Variants in PPP1CB observed in about 807,000 individuals in gnomAD.
The protein encoded by PPP1CB is protein phosphatase 1 catalytic subunit beta.
In PPP1CB, 2 loss-of-function variants were observed where a neutral mutation model predicts 43.7. The observed-to-expected ratio is 0.05, with a 90% CI of 0.02 to 0.14. The LOEUF is 0.14. PPP1CB is among the 10% of genes least tolerant of loss of function. The pLI is 1.00. For missense variants in PPP1CB, 84 were observed against 398.0 expected (o/e 0.21, Z 6.71); for synonymous variants, 136 against 135.6 (o/e 1.00, Z -0.02).
chr2:28,774,342 T>C (rs1303503585), intron 1 of PPP1CB, among the ~76,000 whole-genome samples: 1 of 152,218 alleles, frequency 6.6e-6, no homozygotes, highest in African/African-American at 2.4e-5. Flanking sequence ...CAAACATTTG[T>C]TGAATGAGTT....
At chr2:28,775,568 G>A (rs1050828071) in intron 1 of PPP1CB, among the ~76,000 whole-genome samples, 15 of 151,872 alleles carry the variant, frequency 9.9e-5, no homozygotes, top group Non-Finnish European at 2.1e-4. Flanking sequence ...GTTGACACAG[G>A]GCCTTGCTTT....
chr2:28,756,722 A>G (rs989746519), intron 1 of PPP1CB, among the ~76,000 whole-genome samples: 3 of 152,120 alleles, frequency 2.0e-5, no homozygotes, highest in African/African-American at 7.2e-5. Flanking sequence ...CCTTGTGCTC[A>G]AGCAATCCTC....
intron 1 of PPP1CB, 69 bp from the exon 2 acceptor site, chr2:28,776,782 A>G: frequency 6.8e-7 from 1 of 1,471,888 alleles, no homozygotes; most frequent in Non-Finnish European, 9.3e-7. Flanking sequence ...AAGTATGGGC[A>G]TGACTCTTTT....
intron 4 of PPP1CB, among the ~76,000 whole-genome samples, chr2:28,782,269 A>G (rs1415926302): frequency 6.6e-6 from 1 of 152,134 alleles, no homozygotes; most frequent in Non-Finnish European, 1.5e-5. Flanking sequence ...ACAATAAAAT[A>G]ATAAAATAAT....
chr2:28,765,265 T>C (rs572930148), intron 1 of PPP1CB, among the ~76,000 whole-genome samples: 1 of 152,340 alleles, frequency 6.6e-6, no homozygotes, highest in South Asian at 2.1e-4. Context: ...CAAAACTGAT[T>C]GCAAGTGGTC....
At position 28,799,192 on chromosome 2, in the gene PPP1CB, C is replaced by CTTGATTT. The variant is rs1667557638; in HGVS notation, c.880-5_880-4insGATTTTT. The stretch of plus-strand genomic sequence containing the variant: ...AATAACATTATTTGTTAATAATTTA[C>CTTGATTT]TTTAAGATATTGAAACCATCTGAAA... On this transcript the variant is annotated splice_region_variant and splice_polypyrimidine_tract_variant and intron_variant, in intron 7 of 7. Coordinates refer to ENST00000395366, the MANE Select transcript of PPP1CB (RefSeq NM_002709.3). 6.6e-7 allele frequency: 1 copy of CTTGATTT among 1,511,472 alleles called. No individual in the cohort carries two copies. Among genetic ancestry groups the CTTGATTT allele is most frequent in the Non-Finnish European group, 9.1e-7 (1 of 1,100,230 alleles). 93.6% of individuals were successfully genotyped at this position (1,511,472 alleles called of 1,614,324 possible).
Position 28,759,472 on chromosome 2 carries a change from A to G in PPP1CB, c.52+7296A>G, listed in dbSNP as rs1231552418. On this transcript the variant is annotated intron_variant, in intron 1 of 7. Coordinates refer to ENST00000395366, the MANE Select transcript of PPP1CB (RefSeq NM_002709.3). Reference sequence around the variant, plus strand: ...GAGGTGGAGGTTGCAGTGAGCAAAGATTGCACCACTGCTCTCCAGCCTGGG... The same window carrying G: ...GAGGTGGAGGTTGCAGTGAGCAAAGGTTGCACCACTGCTCTCCAGCCTGGG... Among the ~76,000 whole-genome samples, 5 of 140,454 alleles carry G rather than the reference A, an allele frequency of 3.6e-5. No individual in the cohort carries two copies. In the East Asian group the frequency reaches 1.0e-3, roughly 29 times the overall value. 92.1% of individuals were successfully genotyped at this position (140,454 alleles called of 152,430 possible).
chr2:28,760,956 A>G (rs1041884211), intron 1 of PPP1CB, among the ~76,000 whole-genome samples: 1 of 152,122 alleles, frequency 6.6e-6, no homozygotes, highest in South Asian at 2.1e-4. Context: ...GCTGGAGTGC[A>G]GTGGTGCAGT....
At chr2:28,752,257 C>A (rs1250679901) in intron 1 of PPP1CB, 81 bp downstream of exon 1, 1 of 1,279,736 alleles carries the variant, frequency 7.8e-7, no homozygotes, top group South Asian at 1.4e-5. Context: ...CGCCGGAACG[C>A]GAGGGGACCC....
chr2:28,788,746 A>C lies in PPP1CB; in HGVS notation c.681A>C (p.Gly227=). Residue 227 remains glycine, a synonymous_variant, in exon 6 of 8, where the codon GGA becomes GGC. Transcript: ENST00000395366. ...ATCGTGGTGTTTCCTTTACTTTTGGAGCTGATGTAGTCAGTAAATTTCTGA... is the reference window on the plus strand; with the variant it reads ...ATCGTGGTGTTTCCTTTACTTTTGGCGCTGATGTAGTCAGTAAATTTCTGA... ...ENDRGVSFTF[G]ADVVSKFLNR... The C allele has an allele frequency of 6.2e-7, 1 of 1,613,962 alleles. No individual in the cohort carries two copies. Among genetic ancestry groups the C allele is most frequent in the Non-Finnish European group, 8.5e-7 (1 of 1,179,916 alleles).
At chr2:28,791,456 G>C (rs569055281) in intron 6 of PPP1CB, among the ~76,000 whole-genome samples, 1 of 151,660 alleles carries the variant, frequency 6.6e-6, no homozygotes, top group South Asian at 2.1e-4. Context: ...TTAGCCTCCC[G>C]AGTAGCTGGG....
chr2:28,751,737 C>T (rs963398870), upstream of PPP1CB: 5 of 266,824 alleles, frequency 1.9e-5, no homozygotes, highest in African/African-American at 4.7e-5. Flanking sequence ...CACCGCGCGC[C>T]TGCGCGGAGA....
At chr2:28,779,437 A>G (rs1411468092) in intron 3 of PPP1CB, among the ~76,000 whole-genome samples, 2 of 152,228 alleles carry the variant, frequency 1.3e-5, no homozygotes, top group Admixed American at 1.3e-4. Context: ...CTGTGAAACT[A>G]TTTAAAAGTC....
intron 1 of PPP1CB, among the ~76,000 whole-genome samples, chr2:28,764,846 A>T (rs1666745701): frequency 6.6e-6 from 1 of 152,062 alleles, no homozygotes; most frequent in Non-Finnish European, 1.5e-5. Flanking sequence ...ACCTGAAGCC[A>T]GGAGGTGGAG....
At position 28,752,112 on chromosome 2, in the gene PPP1CB, CTG is replaced by C; in HGVS notation, c.-10_-9del. On this transcript the variant is annotated 5_prime_UTR_variant, in exon 1 of 8. Coordinates refer to ENST00000395366, the MANE Select transcript of PPP1CB (RefSeq NM_002709.3). The stretch of plus-strand genomic sequence containing the variant: ...TGTTCCCGCTGCTGGGAAGGAGAGT[CTG>C]TGCCGACAAGATGGCGGACGGGGAG... 6.5e-7 allele frequency: 1 copy of C among 1,550,142 alleles called. No homozygotes were observed. The highest frequency in any genetic ancestry group is 8.7e-7 in the Non-Finnish European group (1 of 1,146,278).
intron 1 of PPP1CB, among the ~76,000 whole-genome samples, chr2:28,760,969 C>T (rs1446912204): frequency 2.6e-5 from 4 of 152,226 alleles, no homozygotes; most frequent in Admixed American, 1.3e-4. Context: ...GGTGCAGTCT[C>T]GGCTCACTGC....
chr2:28,786,791 A>AAAAAG (rs1168913338), intron 5 of PPP1CB, among the ~76,000 whole-genome samples: 7 of 151,706 alleles, frequency 4.6e-5, no homozygotes, highest in Non-Finnish European at 1.0e-4. Context: ...AAAAAAAAAA[A>AAAAAG]AAAAGAAATT....
intron 1 of PPP1CB, among the ~76,000 whole-genome samples, chr2:28,754,916 A>G (rs1666447580): frequency 6.6e-6 from 1 of 152,198 alleles, no homozygotes; most frequent in Non-Finnish European, 1.5e-5. Context: ...TAGCCCCACA[A>G]CATATTCCTG....
intron 4 of PPP1CB, among the ~76,000 whole-genome samples, chr2:28,782,325 T>C (rs538940833): frequency 6.6e-6 from 1 of 152,194 alleles, no homozygotes; most frequent in Non-Finnish European, 1.5e-5. Flanking sequence ...TGAAATAAGC[T>C]TGAAGTTTTT....
Sources: gnomAD v4.1 joint callset for allele counts (sites outside exome capture counted in the v4.1 genomes callset) on GRCh38, gnomAD v4.1.1 for gene constraint, MANE v1.5 for transcripts, NCBI Gene and HGNC (gene_info 2026-07-23, HGNC 2026-07-21) for gene names.